The following DNMBP variants were observed in gnomAD, a reference collection of about 807,000 sequenced individuals.
DNMBP encodes the protein dynamin binding protein.
Under a neutral mutation model 150.0 loss-of-function variants are expected in DNMBP, and 87 were observed. The observed-to-expected ratio is 0.58, with a 90% CI of 0.49 to 0.69. The LOEUF (loss-of-function observed/expected upper bound fraction) is 0.69, where lower values mean the gene tolerates loss of function less well. DNMBP is among the 30% of genes least tolerant of loss of function. The probability of loss-of-function intolerance (pLI) is 0.00; values close to 1 mark genes in which losing one functional copy is unlikely to be tolerated. For synonymous variants in DNMBP, 711 were observed against 750.4 expected (o/e 0.95, Z 0.86); for missense variants, 1,774 against 1,949.0 (o/e 0.91, Z 1.69).
In DNMBP at chr10:99,955,364, C is replaced by A; in HGVS notation, c.2110G>T (p.Asp704Tyr). The A allele has an allele frequency of 6.2e-7, 1 of 1,614,158 alleles. No homozygotes were observed. The highest frequency in any genetic ancestry group is 8.5e-7 in the Non-Finnish European group (1 of 1,180,030). Residue 704 changes from aspartate (D) to tyrosine (Y), a missense_variant, in exon 4 of 17, where the codon GAC becomes TAC. Physicochemically the swap from Asp to Tyr is radical, Grantham distance 160. Transcript: ENST00000324109. ...TGAGCTCTACTGTACATATCCAAGT[C>A]CCGCTCCATTTCCTCAATCCTCACC... Reference protein sequence around the residue: ...VLVRIEEMERDLDMYSRAQEE... With the variant: ...VLVRIEEMERYLDMYSRAQEE...
chr10:99,944,281 T>C (rs10883430), intron 4 of DNMBP, among the ~76,000 whole-genome samples: 71,192 of 152,056 alleles, frequency 0.47, 17,640 homozygotes, highest in African/African-American at 0.63. Context: ...AACGTGTAGC[T>C]AGTGCCTGGC....
intron 4 of DNMBP, among the ~76,000 whole-genome samples, chr10:99,936,862 G>A (rs2040238654): frequency 6.6e-6 from 1 of 151,694 alleles, no homozygotes; most frequent in African/African-American, 2.4e-5. Flanking sequence ...TTGTCACCAT[G>A]CCCAGCCAAA....
intron 7 of DNMBP, among the ~76,000 whole-genome samples, chr10:99,899,056 G>A (rs1322206573): frequency 6.6e-6 from 1 of 152,108 alleles, no homozygotes; most frequent in Non-Finnish European, 1.5e-5. Flanking sequence ...AGCTAGGCAT[G>A]GTGGCACGTG....
intron 6 of DNMBP, among the ~76,000 whole-genome samples, chr10:99,905,760 C>G (rs777614130): frequency 1.3e-5 from 2 of 152,142 alleles, no homozygotes; most frequent in Non-Finnish European, 2.9e-5. Flanking sequence ...CGCTTGAGGC[C>G]AGGCATCCAA....
chr10:99,919,299 A>C (rs2039997400), intron 4 of DNMBP, among the ~76,000 whole-genome samples: 1 of 152,172 alleles, frequency 6.6e-6, no homozygotes, highest in Admixed American at 6.5e-5. Flanking sequence ...TTAACACTAC[A>C]GTGATGGTTC....
intron 4 of DNMBP, among the ~76,000 whole-genome samples, chr10:99,920,750 C>T (rs1175138257): frequency 6.6e-6 from 1 of 152,070 alleles, no homozygotes; most frequent in Non-Finnish European, 1.5e-5. Context: ...TAGAATGCAG[C>T]GGCACACTCA....
chr10:99,914,197 C>T (rs981016264), intron 4 of DNMBP: 3 of 1,102,974 alleles, frequency 2.7e-6, no homozygotes, highest in African/African-American at 1.6e-5. Flanking sequence ...AGTGCACCAG[C>T]GGGCCCAGCA....
intron 6 of DNMBP, among the ~76,000 whole-genome samples, chr10:99,902,131 C>T (rs2039750447): frequency 6.6e-6 from 1 of 152,000 alleles, no homozygotes; most frequent in Non-Finnish European, 1.5e-5. Flanking sequence ...CTCAAGTGAT[C>T]CACCTGCCTC....
chr10:99,922,241 A>G (rs1401570212), intron 4 of DNMBP, among the ~76,000 whole-genome samples: 2 of 152,100 alleles, frequency 1.3e-5, no homozygotes, highest in Non-Finnish European at 2.9e-5. Flanking sequence ...TGAGCATGCC[A>G]TGATATTGCA....
intron 4 of DNMBP, 65 bp downstream of exon 4, chr10:99,955,149 G>A: frequency 7.0e-7 from 1 of 1,430,118 alleles, no homozygotes; most frequent in South Asian, 1.3e-5. Flanking sequence ...AAAAAGCCTG[G>A]GTAGGCTGTT....
intron 4 of DNMBP, among the ~76,000 whole-genome samples, chr10:99,935,974 G>T (rs1359543064): frequency 6.6e-6 from 1 of 152,134 alleles, no homozygotes; most frequent in African/African-American, 2.4e-5. Flanking sequence ...CAGGTGCTTT[G>T]CTACCCAGAT....
At chr10:99,879,200 C>T (rs550409215) in intron 16 of DNMBP, among the ~76,000 whole-genome samples, 40 of 152,166 alleles carry the variant, frequency 2.6e-4, no homozygotes, top group Middle Eastern at 6.8e-3. Flanking sequence ...CACAATGGCT[C>T]ACGCCTGTAA....
intron 1 of DNMBP, among the ~76,000 whole-genome samples, chr10:100,006,347 A>G (rs1322901246): frequency 6.6e-6 from 1 of 152,184 alleles, no homozygotes; most frequent in Non-Finnish European, 1.5e-5. Flanking sequence ...GCCTCCCTGT[A>G]GAAATAATAC....
intron 11 of DNMBP, among the ~76,000 whole-genome samples, chr10:99,891,275 A>G (rs897913961): frequency 7.1e-6 from 1 of 140,346 alleles, no homozygotes; most frequent in African/African-American, 2.7e-5. Context: ...GCTCACTGCA[A>G]CCTCCCTGCC....
At chr10:99,922,812 A>T (rs2040038442) in intron 4 of DNMBP, among the ~76,000 whole-genome samples, 1 of 152,106 alleles carries the variant, frequency 6.6e-6, no homozygotes, top group Non-Finnish European at 1.5e-5. Flanking sequence ...AGCTTCAGTT[A>T]TCTCCCAACT....
chr10:99,996,094 C>A (rs1334516030), intron 1 of DNMBP, among the ~76,000 whole-genome samples: 2 of 152,198 alleles, frequency 1.3e-5, no homozygotes, highest in African/African-American at 4.8e-5. Flanking sequence ...AGCAAATCAC[C>A]TCTCATCAAC....
chr10:99,920,194 G>C (rs999033472), intron 4 of DNMBP, among the ~76,000 whole-genome samples: 1 of 151,740 alleles, frequency 6.6e-6, no homozygotes, highest in Non-Finnish European at 1.5e-5. Flanking sequence ...TCCTGCCTCA[G>C]CCTCCCGAGT....
In DNMBP at chr10:99,989,235, G is replaced by A. The variant is rs118009346; in HGVS notation, c.-10-17101C>T. 1.2e-3 allele frequency among the ~76,000 whole-genome samples: 182 copies of A among 152,356 alleles called. 3 individuals are homozygous for A. In the East Asian group the frequency reaches 0.03, roughly 25 times the overall value. ...TGCAGTGCCTCCCACTACAGGCAGAGTATGTTTCCCTGTCACATTTTGGTA... is the reference window on the plus strand; with the variant it reads ...TGCAGTGCCTCCCACTACAGGCAGAATATGTTTCCCTGTCACATTTTGGTA... On this transcript the variant is annotated intron_variant, in intron 1 of 16. Transcript: ENST00000324109.
At chr10:99,965,716 C>T (rs1408178545) in intron 3 of DNMBP, among the ~76,000 whole-genome samples, 1 of 152,010 alleles carries the variant, frequency 6.6e-6, no homozygotes, top group South Asian at 2.1e-4. Context: ...AGGCTGGTCT[C>T]GAACTCCTTA....
Sources: allele counts gnomAD v4.1 joint callset (sites outside exome capture counted in the v4.1 genomes callset), GRCh38; gene constraint gnomAD v4.1.1; transcripts MANE v1.5; gene names NCBI Gene and HGNC (gene_info 2026-07-23, HGNC 2026-07-21).